DLG2: variants seen among roughly 807,000 people sequenced by gnomAD.
DLG2 encodes disks large homolog 2.
A neutral mutation model predicts 132.5 loss-of-function variants in DLG2; 45 were observed. That is an observed-to-expected ratio of 0.34 (90% CI 0.27 to 0.44). DLG2 has a LOEUF of 0.44. Ranked by LOEUF, DLG2 falls within the 20% of genes least tolerant of loss-of-function variation. The pLI is 1.00. For synonymous variants in DLG2, 424 were observed against 419.6 expected, an observed-to-expected ratio of 1.01 and a Z score of -0.13; for missense variants, 1,045 against 1,196.9, an observed-to-expected ratio of 0.87 and a Z score of 1.87.
intron 11 of DLG2, among the ~76,000 whole-genome samples, chr11:84,050,299 G>A (rs983070017): frequency 3.2e-4 from 48 of 151,522 alleles, no homozygotes; most frequent in Middle Eastern, 3.4e-3. Context: ...CAAGAATGTC[G>A]ACAGGCTGCA....
chr11:85,411,327 G>T (rs1032934066), intron 3 of DLG2, among the ~76,000 whole-genome samples: 1 of 151,504 alleles, frequency 6.6e-6, no homozygotes, highest in African/African-American at 2.4e-5. Flanking sequence ...AGGAAACATG[G>T]CATTTAGCTA....
At chr11:84,862,900 A>G (rs1332203605) in intron 6 of DLG2, among the ~76,000 whole-genome samples, 1 of 151,708 alleles carries the variant, frequency 6.6e-6, no homozygotes, top group East Asian at 2.0e-4. Flanking sequence ...GGTGCAGCAA[A>G]CCACCATGGC....
At chr11:85,027,536 G>T (rs2060638662) in intron 6 of DLG2, among the ~76,000 whole-genome samples, 1 of 152,178 alleles carries the variant, frequency 6.6e-6, no homozygotes, top group South Asian at 2.1e-4. Flanking sequence ...TCTCACACCT[G>T]CCAAGGGGGA....
chr11:84,570,481 G>T (rs574059727), intron 6 of DLG2, among the ~76,000 whole-genome samples: 1 of 152,254 alleles, frequency 6.6e-6, no homozygotes, highest in Non-Finnish European at 1.5e-5. Flanking sequence ...TGAAAGATAG[G>T]ATAGTGTGCA....
chr11:85,103,868 C>G (rs2071274865), intron 6 of DLG2, among the ~76,000 whole-genome samples: 1 of 151,652 alleles, frequency 6.6e-6, no homozygotes, highest in Admixed American at 6.6e-5. Context: ...TCTTACAACT[C>G]AATAATAAAA....
chr11:85,246,069 T>G (rs1383580957), intron 4 of DLG2, among the ~76,000 whole-genome samples: 1 of 152,030 alleles, frequency 6.6e-6, no homozygotes, highest in Non-Finnish European at 1.5e-5. Context: ...ACATTTATAT[T>G]ATTTATTTAA....
chr11:85,413,031 A>T (rs570644833), intron 3 of DLG2, among the ~76,000 whole-genome samples: 1 of 152,018 alleles, frequency 6.6e-6, no homozygotes, highest in African/African-American at 2.4e-5. Flanking sequence ...ACCCACCAGC[A>T]GTGTAGAAGT....
intron 19 of DLG2, among the ~76,000 whole-genome samples, chr11:83,588,326 C>T (rs1251736030): frequency 1.3e-5 from 2 of 150,512 alleles, no homozygotes; most frequent in Admixed American, 6.6e-5. Context: ...GTCTCTGACC[C>T]CTGACCCCCG....
intron 7 of DLG2, among the ~76,000 whole-genome samples, chr11:84,352,178 A>C (rs555562863): frequency 6.6e-6 from 1 of 152,198 alleles, no homozygotes; most frequent in Admixed American, 6.5e-5. Context: ...CATGGCATGA[A>C]GTAGATGTGT....
chr11:84,334,276 T>G (rs2098474055), intron 7 of DLG2, among the ~76,000 whole-genome samples: 1 of 152,218 alleles, frequency 6.6e-6, no homozygotes, highest in Admixed American at 6.5e-5. Flanking sequence ...CTCATCTTTT[T>G]CCAGAAATAC....
At chr11:84,510,485 GAAC>G (rs1469723290) in intron 7 of DLG2, among the ~76,000 whole-genome samples, 1 of 151,954 alleles carries the variant, frequency 6.6e-6, no homozygotes, top group East Asian at 1.9e-4. Context: ...AGACAGAACA[GAAC>G]AACATAGTTG....
chr11:85,169,340 G>C (rs76097265), intron 4 of DLG2, among the ~76,000 whole-genome samples: 1 of 151,934 alleles, frequency 6.6e-6, no homozygotes, highest in Non-Finnish European at 1.5e-5. Context: ...GAAATTTTCC[G>C]CTCCCTCTCT....
At chr11:85,335,676 T>G (rs1000217539) in intron 3 of DLG2, among the ~76,000 whole-genome samples, 1 of 152,126 alleles carries the variant, frequency 6.6e-6, no homozygotes, top group African/African-American at 2.4e-5. Flanking sequence ...GAAGCTTAGT[T>G]TGGCTGGATA....
At chr11:84,961,373 G>C (rs972315739) in intron 6 of DLG2, among the ~76,000 whole-genome samples, 3 of 152,012 alleles carry the variant, frequency 2.0e-5, no homozygotes, top group African/African-American at 7.2e-5. Context: ...ATACAAAGCA[G>C]AGTGATCAAC....
intron 8 of DLG2, among the ~76,000 whole-genome samples, chr11:84,206,656 A>G (rs2154304486): frequency 6.6e-6 from 1 of 152,196 alleles, no homozygotes; most frequent in Admixed American, 6.5e-5. Flanking sequence ...AGTCATCTCA[A>G]TAGGTACAGA....
intron 21 of DLG2, among the ~76,000 whole-genome samples, chr11:83,505,850 G>A (rs1001063097): frequency 1.4e-4 from 22 of 152,108 alleles, no homozygotes; most frequent in South Asian, 2.1e-4. Context: ...TCTGGATATC[G>A]TGCAGAATCA....
chr11:85,467,285 A>G (rs2092823268), intron 3 of DLG2, among the ~76,000 whole-genome samples: 1 of 152,192 alleles, frequency 6.6e-6, no homozygotes, highest in Non-Finnish European at 1.5e-5. Flanking sequence ...TCTTTTCCTA[A>G]TTGAATACCC....
chr11:83,732,889 C>G (rs1013443851), intron 18 of DLG2, among the ~76,000 whole-genome samples: 3 of 152,104 alleles, frequency 2.0e-5, no homozygotes, highest in Non-Finnish European at 4.4e-5. Flanking sequence ...CTGAGGACAT[C>G]TGCTTCTCCA....
At chr11:85,031,979 T>TTTTTTTTTTG (rs1555346351) in intron 6 of DLG2, among the ~76,000 whole-genome samples, 1 of 148,798 alleles carries the variant, frequency 6.7e-6, no homozygotes, top group Non-Finnish European at 1.5e-5. Flanking sequence ...TTTTTGTATT[T>TTTTTTTTTTG]TCAGTAGAGG....
Sources: allele counts gnomAD v4.1 joint callset (sites outside exome capture counted in the v4.1 genomes callset), GRCh38; gene constraint gnomAD v4.1.1; transcripts MANE v1.5; gene names NCBI Gene and HGNC (gene_info 2026-07-23, HGNC 2026-07-21).